Variants in NEK1 observed in about 807,000 individuals in gnomAD.
The protein encoded by NEK1 is serine/threonine-protein kinase Nek1.
NEK1 carries 137 observed loss-of-function variants against 182.1 expected under a neutral mutation model. That is an observed-to-expected ratio of 0.75 (90% CI 0.65 to 0.87). NEK1 has a LOEUF of 0.87. Ranked by LOEUF, NEK1 falls within the 40% of genes least tolerant of loss-of-function variation. The pLI, the probability that NEK1 is intolerant of heterozygous loss-of-function variation, is 0.00. For missense variants in NEK1, 1,391 were observed against 1,494.4 expected, an observed-to-expected ratio of 0.93 and a Z score of 1.14; for synonymous variants, 513 against 492.2, an observed-to-expected ratio of 1.04 and a Z score of -0.56.
intron 31 of NEK1, among the ~76,000 whole-genome samples, chr4:169,418,126 G>C (rs542398525): frequency 1.3e-5 from 2 of 152,280 alleles, no homozygotes; most frequent in South Asian, 4.1e-4. Flanking sequence ...CAAACTGACC[G>C]GGAGGGAGGT....
At chr4:169,593,493 G>C (rs973406256) in intron 5 of NEK1, among the ~76,000 whole-genome samples, 1 of 152,184 alleles carries the variant, frequency 6.6e-6, no homozygotes, top group Non-Finnish European at 1.5e-5. Flanking sequence ...ACAGTCTGGA[G>C]GTGATAAAAT....
chr4:169,495,279 T>C (rs1367898356), intron 23 of NEK1, among the ~76,000 whole-genome samples: 8 of 145,874 alleles, frequency 5.5e-5, no homozygotes, highest in Non-Finnish European at 1.1e-4. Context: ...AGTTTCGCTC[T>C]GTCGCCCAGG....
At chr4:169,480,643 G>A (rs1481111618) in intron 23 of NEK1, among the ~76,000 whole-genome samples, 2 of 152,086 alleles carry the variant, frequency 1.3e-5, no homozygotes, top group African/African-American at 4.8e-5. Flanking sequence ...GGATGTTGGG[G>A]TGGCTATGAC....
chr4:169,398,920 A>T (rs189697057), intron 35 of NEK1, among the ~76,000 whole-genome samples: 16 of 152,334 alleles, frequency 1.1e-4, no homozygotes, highest in African/African-American at 3.6e-4. Context: ...CTAGAAATAA[A>T]TTCTTGTTCA....
At chr4:169,522,289 T>C (rs891208568) in intron 19 of NEK1, among the ~76,000 whole-genome samples, 7 of 152,210 alleles carry the variant, frequency 4.6e-5, no homozygotes, top group East Asian at 1.9e-4. Context: ...TTTAAGATAA[T>C]TGATTGTTGA....
intron 19 of NEK1, among the ~76,000 whole-genome samples, chr4:169,536,599 A>C (rs1580557116): frequency 6.6e-6 from 1 of 152,314 alleles, no homozygotes; most frequent in East Asian, 1.9e-4. Flanking sequence ...GGACAAAATA[A>C]GAGCATTTTC....
chr4:169,397,884 C>CA (rs1730985441), intron 35 of NEK1, among the ~76,000 whole-genome samples: 1 of 152,188 alleles, frequency 6.6e-6, no homozygotes, highest in African/African-American at 2.4e-5. Context: ...AACTGAACCC[C>CA]AAGCACATTG....
At chr4:169,588,557 T>C (rs1414257211) in intron 8 of NEK1, 92 bp downstream of exon 8, 15 of 698,268 alleles carry the variant, frequency 2.1e-5, no homozygotes, top group Non-Finnish European at 3.4e-5. Context: ...GTATGTATTA[T>C]TTATTTTAGA....
intron 27 of NEK1, among the ~76,000 whole-genome samples, chr4:169,446,139 A>G (rs1740515314): frequency 2.0e-5 from 3 of 152,066 alleles, no homozygotes; most frequent in Admixed American, 2.0e-4. Context: ...TGTTTAAAAT[A>G]GTACAGTAGG....
rs1167824087 is a variant in NEK1, at chr4:169,400,512, T to TTCA, written c.3714+6_3714+8dup. On this transcript the variant is annotated intron_variant, in intron 34 of 35. Transcript: ENST00000507142. ...ACATTTTAAGTGTTTTAATTGACTT[T>TTCA]TCACTTACCTTTATTTTCTCATAAA... The TTCA allele has an allele frequency of 1.3e-6, 2 of 1,593,394 alleles. No individual in the cohort carries two copies. Among genetic ancestry groups the TTCA allele is most frequent in the Admixed American group, 3.6e-5 (2 of 55,712 alleles).
In NEK1 at chr4:169,562,150, C is replaced by T. The variant is rs1015366623; in HGVS notation, c.1067G>A (p.Arg356Lys). ...ATGTCTTTATACCTCAGATATTTTC[C>T]TCCTTTCTTCTCCAGTATTCACTCT... Reference protein sequence around the residue: ...EKRVNTGEERRKISEEAARKR... With the variant: ...EKRVNTGEERKKISEEAARKR... The change falls in exon 13 of 36, where the codon AGG becomes AAG. Residue 356 changes from arginine (R) to lysine (K), a missense_variant. Around this residue, in one of 5 missense-constraint regions of NEK1, gnomAD observed 1,216 missense variants for 1,277.6 expected, o/e 0.95. Coordinates refer to ENST00000507142, the MANE Select transcript of NEK1 (RefSeq NM_001199397.3). The T allele has an allele frequency of 3.3e-5, 51 of 1,542,472 alleles. No individual in the cohort carries two copies. The highest frequency in any genetic ancestry group is 4.3e-5 in the Non-Finnish European group (49 of 1,140,636).
chr4:169,395,828 C>T (rs1355593280), intron 35 of NEK1, among the ~76,000 whole-genome samples: 3 of 152,080 alleles, frequency 2.0e-5, no homozygotes, highest in African/African-American at 2.4e-5. Context: ...GTATTCTTCC[C>T]GCTCATGGTT....
intron 27 of NEK1, among the ~76,000 whole-genome samples, chr4:169,459,622 AT>A (rs1743569280): frequency 6.6e-6 from 1 of 152,192 alleles, no homozygotes; most frequent in African/African-American, 2.4e-5. Context: ...CTTGGAAGCA[AT>A]CACGATGTCT....
intron 23 of NEK1, among the ~76,000 whole-genome samples, chr4:169,492,134 GT>G (rs1000261369): frequency 7.4e-4 from 113 of 152,192 alleles, no homozygotes; most frequent in African/African-American, 2.7e-3. Flanking sequence ...GCAGTAGTAC[GT>G]GCTTACCTAT....
chr4:169,587,926 T>C (rs1767800457), intron 8 of NEK1, among the ~76,000 whole-genome samples: 1 of 152,070 alleles, frequency 6.6e-6, no homozygotes, highest in Non-Finnish European at 1.5e-5. Flanking sequence ...ATTTGTAAAA[T>C]ACCATGATTT....
At chr4:169,422,229 T>C (rs1735605275) in intron 31 of NEK1, among the ~76,000 whole-genome samples, 1 of 152,126 alleles carries the variant, frequency 6.6e-6, no homozygotes, top group African/African-American at 2.4e-5. Flanking sequence ...TGAATGTATG[T>C]GGAAACTGCA....
At chr4:169,540,723 G>A (rs577392974) in intron 18 of NEK1, among the ~76,000 whole-genome samples, 1 of 152,146 alleles carries the variant, frequency 6.6e-6, no homozygotes. Flanking sequence ...TGCAAATATA[G>A]TAAGAAATTA....
intron 5 of NEK1, among the ~76,000 whole-genome samples, chr4:169,596,702 C>A (rs1012002015): frequency 6.6e-6 from 1 of 152,116 alleles, no homozygotes; most frequent in Non-Finnish European, 1.5e-5. Context: ...GGGACAAAAT[C>A]ATCTCAAACT....
chr4:169,524,739 A>C (rs1010232243), intron 19 of NEK1, among the ~76,000 whole-genome samples: 16 of 152,230 alleles, frequency 1.1e-4, no homozygotes, highest in African/African-American at 3.6e-4. Context: ...TGTATGGTCC[A>C]AAAGCTAAGA....
Sources: gnomAD v4.1 joint callset for allele counts (sites outside exome capture counted in the v4.1 genomes callset) on GRCh38, gnomAD v4.1.1 for gene constraint, gnomAD v4.1.1 regional missense constraint, MANE v1.5 for transcripts, NCBI Gene and HGNC (gene_info 2026-07-23, HGNC 2026-07-21) for gene names.